The following GSTK1 variants were observed in gnomAD, a reference collection of about 807,000 sequenced individuals.
The protein encoded by GSTK1 is glutathione S-transferase kappa 1.
In GSTK1, 25 loss-of-function variants were observed where a neutral mutation model predicts 30.9. That is an observed-to-expected ratio of 0.81 (90% CI 0.59 to 1.13). GSTK1 has a LOEUF of 1.13. Among genes scored for constraint, GSTK1 ranks in the 50% most tolerant of loss-of-function variants. GSTK1 has a pLI of 0.00. For synonymous variants in GSTK1, 108 were observed against 112.5 expected (o/e 0.96, Z 0.25); for missense variants, 292 against 292.4 (o/e 1.00, Z 0.01).
In GSTK1 at chr7:143,268,692, A is replaced by C; in HGVS notation, c.632-96A>C. The C allele has an allele frequency of 9.2e-7, 1 of 1,090,148 alleles. No homozygotes were observed. 67.5% of individuals were successfully genotyped at this position (1,090,148 alleles called of 1,614,324 possible). A position where few individuals can be genotyped will look rare whatever the true frequency, so the allele number is the denominator to read the frequency against. ...CTTCTATACCTTGAAGCCAAGCAAA[A>C]GTCTTTCTAGAAAACCCCTGGGACC... On this transcript the variant is annotated intron_variant, in intron 7 of 7. Coordinates refer to ENST00000358406, the MANE Select transcript of GSTK1 (RefSeq NM_015917.3). The surrounding 1 kb of genome is among the most constrained non-coding windows in gnomAD (Gnocchi z 4.1).
intron 6 of GSTK1, 77 bp downstream of exon 6, chr7:143,267,810 A>C: frequency 9.9e-7 from 1 of 1,012,470 alleles, no homozygotes; most frequent in East Asian, 2.4e-5. Context: ...TTGAGTCCTT[A>C]TGCTCCTGTA....
chr7:143,269,027 A>C lies in GSTK1; in HGVS notation c.*190A>C, dbSNP rs1296592684. 8 of 622,622 alleles carry C rather than the reference A, an allele frequency of 1.3e-5. No individual in the cohort carries two copies. In the African/African-American group the frequency reaches 1.5e-4, roughly 11 times the overall value. The allele number at this position is 622,622 out of a possible 1,614,324, so 38.6% of individuals were successfully genotyped here. A position where few individuals can be genotyped will look rare whatever the true frequency, so the allele number is the denominator to read the frequency against. On this transcript the variant is annotated 3_prime_UTR_variant, in exon 8 of 8. Transcript: ENST00000358406. ...AGACGTCCACCATTAGCCATGTGGC[A>C]ACCTTTACTTCTATGCCTCACAAGT...
intron 4 of GSTK1, 72 bp from the exon 5 acceptor site, chr7:143,265,189 G>C (rs370713285): frequency 2.5e-6 from 4 of 1,606,376 alleles, no homozygotes; most frequent in Non-Finnish European, 1.7e-6. Flanking sequence ...GCCCCCGCCC[G>C]GGGGATCTAC....
At position 143,263,445 on chromosome 7, in the gene GSTK1, G is replaced by A; in HGVS notation, c.-69G>A. On this transcript the variant is annotated 5_prime_UTR_variant, in exon 1 of 8. Coordinates refer to ENST00000358406, the MANE Select transcript of GSTK1 (RefSeq NM_015917.3). ...TGGGCGGTCCCAGGCAGGCCCAGAA[G>A]CTGGGCAGCCTCTGCCGGGTTCCGG... The A allele has an allele frequency of 1.4e-6, 2 of 1,431,060 alleles. No individual in the cohort carries two copies. Among genetic ancestry groups the A allele is most frequent in the African/African-American group, 2.8e-5 (2 of 71,638 alleles). 88.6% of individuals were successfully genotyped at this position (1,431,060 alleles called of 1,614,324 possible).
At position 143,263,534 on chromosome 7, in the gene GSTK1, C is replaced by T. The variant is rs528239321; in HGVS notation, c.21C>T (p.Thr7=). 12 of 1,610,642 alleles carry T rather than the reference C, an allele frequency of 7.5e-6. No homozygotes were observed. The African/African-American group carries it at 1.6e-4, about 21-fold the overall frequency. ...GCAGCATGGGGCCCCTGCCGCGCACCGTGGAGCTCTTCTATGACGTGCTGT... is the reference window on the plus strand; with the variant it reads ...GCAGCATGGGGCCCCTGCCGCGCACTGTGGAGCTCTTCTATGACGTGCTGT... The part of the protein sequence containing the change: MGPLPR[T]VELFYDVLSP... Residue 7 remains threonine (T), a synonymous_variant, in exon 1 of 8, where the codon ACC becomes ACT. Coordinates refer to ENST00000358406, the MANE Select transcript of GSTK1 (RefSeq NM_015917.3).
chr7:143,264,841 G>A, intron 3 of GSTK1, 151 bp from the exon 4 acceptor site: 1 of 1,261,150 alleles, frequency 7.9e-7, no homozygotes, highest in East Asian at 2.3e-5. Context: ...GGGCATGAAA[G>A]GGAAGAAGAG....
Position 143,267,679 on chromosome 7 carries a change from G to A in GSTK1, c.483G>A (p.Thr161=), listed in dbSNP as rs199499365. 52 of 1,614,010 alleles carry A rather than the reference G, an allele frequency of 3.2e-5. No individual in the cohort carries two copies. In the East Asian group the frequency reaches 3.8e-4, roughly 12 times the overall value. Residue 161 remains threonine (T), a synonymous_variant, in exon 6 of 8, where the codon ACG becomes ACA. Transcript: ENST00000358406. ...QAQGLLEKIA[T]PKVKNQLKET... Reference sequence around the variant, plus strand: ...AGGGACTTCTGGAAAAGATCGCAACGCCAAAGGTGAAGAACCAGCTCAAGG... The same window carrying A: ...AGGGACTTCTGGAAAAGATCGCAACACCAAAGGTGAAGAACCAGCTCAAGG...
intron 5 of GSTK1, 102 bp downstream of exon 5, chr7:143,265,398 G>T (rs1043366349): frequency 2.1e-5 from 22 of 1,049,918 alleles, no homozygotes; most frequent in Middle Eastern, 5.4e-4. Flanking sequence ...CATGGAAAAG[G>T]TTATAATTAC....
chr7:143,264,537 TCTC>T lies in GSTK1; in HGVS notation c.155-8_155-6del. On this transcript the variant is annotated splice_polypyrimidine_tract_variant and splice_region_variant and intron_variant, in intron 2 of 7. Coordinates refer to ENST00000358406, the MANE Select transcript of GSTK1 (RefSeq NM_015917.3). Reference sequence around the variant, plus strand: ...TTTTCTCACTTAGCGTGCCCAACCTTCTCCTGGCAGGAAACAAGCCTCCAGGTC... The same window carrying T: ...TTTTCTCACTTAGCGTGCCCAACCTTCTGGCAGGAAACAAGCCTCCAGGTC... The T allele has an allele frequency of 6.2e-7, 1 of 1,613,764 alleles. No homozygotes were observed. Among genetic ancestry groups the T allele is most frequent in the Non-Finnish European group, 8.5e-7 (1 of 1,179,800 alleles).
chr7:143,268,596 G>A lies in GSTK1; in HGVS notation c.632-192G>A, dbSNP rs911575600. On this transcript the variant is annotated intron_variant, in intron 7 of 7. Transcript: ENST00000358406. This position sits in a 1 kb window ranked among gnomAD's most constrained non-coding sequence, Gnocchi z 4.1. The stretch of plus-strand genomic sequence containing the variant: ...TTCTTGGCACTTCCAGTAACAAAGC[G>A]TTATGCAGTCAGTGCTGTTCAAGGT... 1.3e-5 allele frequency among the ~76,000 whole-genome samples: 2 copies of A among 152,184 alleles called. No individual in the cohort carries two copies. The highest frequency in any genetic ancestry group is 4.8e-5 in the African/African-American group (2 of 41,438).
chr7:143,267,704 G>A lies in GSTK1; in HGVS notation c.508G>A (p.Glu170Lys), dbSNP rs773848240. Residue 170 changes from glutamate (E) to lysine (K), a missense_variant, in exon 6 of 8, where the codon GAG becomes AAG. By Grantham distance (56) the Glu-to-Lys change is moderately conservative (BLOSUM62 1). Coordinates refer to ENST00000358406, the MANE Select transcript of GSTK1 (RefSeq NM_015917.3). ...GCCAAAGGTGAAGAACCAGCTCAAG[G>A]AGACCACTGAGGCAGCCTGCAGATA... Reference protein sequence around the residue: ...ATPKVKNQLKETTEAACRYGA... With the variant: ...ATPKVKNQLKKTTEAACRYGA... 20 of 1,613,786 alleles carry A rather than the reference G, an allele frequency of 1.2e-5. No homozygotes were observed. In the South Asian group the frequency reaches 2.0e-4, roughly 16 times the overall value.
At position 143,263,480 on chromosome 7, in the gene GSTK1, C is replaced by A. The variant is rs201828388; in HGVS notation, c.-34C>A. The stretch of plus-strand genomic sequence containing the variant: ...CTCTGCCGGGTTCCGGGAAAAGGAG[C>A]TCCTGCTGCCACTGCTCTTCCGGAG... On this transcript the variant is annotated 5_prime_UTR_variant, in exon 1 of 8. Coordinates refer to ENST00000358406, the MANE Select transcript of GSTK1 (RefSeq NM_015917.3). The A allele has an allele frequency of 9.4e-6, 15 of 1,596,680 alleles. No homozygotes were observed. The East Asian group carries it at 2.9e-4, about 31-fold the overall frequency.
Position 143,267,686 on chromosome 7 carries a change from G to A in GSTK1, c.490G>A (p.Val164Met), listed in dbSNP as rs371499025. Residue 164 changes from valine to methionine, a missense_variant, in exon 6 of 8, where the codon GTG becomes ATG. By Grantham distance (21) the Val-to-Met change is conservative. Coordinates refer to ENST00000358406, the MANE Select transcript of GSTK1 (RefSeq NM_015917.3). ...TCTGGAAAAGATCGCAACGCCAAAG[G>A]TGAAGAACCAGCTCAAGGAGACCAC... is the stretch of plus-strand genomic sequence containing the variant. Reference protein sequence around the residue: ...GLLEKIATPKVKNQLKETTEA... With the variant: ...GLLEKIATPKMKNQLKETTEA... 6.8e-6 allele frequency: 11 copies of A among 1,614,116 alleles called. No homozygotes were observed. The highest frequency in any genetic ancestry group is 3.3e-5 in the South Asian group (3 of 91,072).
chr7:143,263,918 C>G (rs1027095617), intron 1 of GSTK1, 168 bp from the exon 2 acceptor site: 2 of 641,728 alleles, frequency 3.1e-6, no homozygotes, highest in East Asian at 2.8e-5. Context: ...GAGCGAAGAT[C>G]CTGGAATAGA....
intron 3 of GSTK1, 119 bp from the exon 4 acceptor site, chr7:143,264,873 C>A: frequency 7.8e-7 from 1 of 1,284,446 alleles, no homozygotes; most frequent in Non-Finnish European, 1.1e-6. Flanking sequence ...GTCATGGGAA[C>A]CTTGGGTGAG....
chr7:143,263,613 G>A, intron 1 of GSTK1, 28 bp downstream of exon 1: 1 of 1,597,528 alleles, frequency 6.3e-7, no homozygotes, highest in Non-Finnish European at 8.5e-7. Context: ...CGCCTCGGCA[G>A]TGTCTGGGGA....
In GSTK1 at chr7:143,265,110, G is replaced by A. The variant is rs201961320; in HGVS notation, c.384+18G>A. ...GGTCAAGGGTGAGTGTGGGGCTCTGGGAATCCTCTGGGAGGACCTTGGATG... is the reference window on the plus strand; with the variant it reads ...GGTCAAGGGTGAGTGTGGGGCTCTGAGAATCCTCTGGGAGGACCTTGGATG... On this transcript the variant is annotated intron_variant, in intron 4 of 7. Transcript: ENST00000358406. 747 of 1,614,094 alleles carry A rather than the reference G, an allele frequency of 4.6e-4. 1 individual carries two copies. Among genetic ancestry groups the A allele is most frequent in the Middle Eastern group, 3.6e-3 (22 of 6,062 alleles).
At position 143,263,461 on chromosome 7, in the gene GSTK1, C is replaced by T. The variant is rs1800768194; in HGVS notation, c.-53C>T. 1 of 1,541,340 alleles carries T rather than the reference C, an allele frequency of 6.5e-7. No homozygotes were observed. On this transcript the variant is annotated 5_prime_UTR_variant, in exon 1 of 8. Coordinates refer to ENST00000358406, the MANE Select transcript of GSTK1 (RefSeq NM_015917.3). ...GGCCCAGAAGCTGGGCAGCCTCTGC[C>T]GGGTTCCGGGAAAAGGAGCTCCTGC...
chr7:143,267,400 G>A (rs560726672), intron 5 of GSTK1, among the ~76,000 whole-genome samples: 3 of 152,278 alleles, frequency 2.0e-5, no homozygotes, highest in Admixed American at 2.0e-4. Context: ...TTCTGTGATT[G>A]ACTCTGTGCC....
Sources: gnomAD v4.1 joint callset for allele counts (sites outside exome capture counted in the v4.1 genomes callset) on GRCh38, gnomAD v4.1.1 for gene constraint, Gnocchi (gnomAD v3.1) non-coding constraint, MANE v1.5 for transcripts, NCBI Gene and HGNC (gene_info 2026-07-23, HGNC 2026-07-21) for gene names.